The following GPC6 variants were observed in gnomAD, a reference collection of about 807,000 sequenced individuals.
The protein encoded by GPC6 is glypican 6, also known as glypican-6.
GPC6 carries 14 observed loss-of-function variants against 55.2 expected under a neutral mutation model. The ratio of observed to expected loss-of-function variants is 0.25; its 90% CI spans 0.17 to 0.40. GPC6 has a LOEUF of 0.40. GPC6 is among the 10% of genes least tolerant of loss of function. The probability of loss-of-function intolerance (pLI) is 1.00; values close to 1 mark genes in which losing one functional copy is unlikely to be tolerated. For synonymous variants in GPC6, 278 were observed against 259.6 expected (o/e 1.07, Z -0.68); for missense variants, 641 against 708.5 (o/e 0.90, Z 1.08).
intron 2 of GPC6, among the ~76,000 whole-genome samples, chr13:93,765,308 T>TTCCAGATAAGCTGTCTTGAAAGAC: frequency 6.7e-6 from 1 of 148,684 alleles, no homozygotes; most frequent in African/African-American, 2.5e-5. Context: ...AAAGACAACT[T>TTCCAGATAAGCTGTCTTGAAAGAC]ATTTGGTTTA....
intron 4 of GPC6, among the ~76,000 whole-genome samples, chr13:94,109,262 C>A (rs75266794): frequency 0.016 from 2,448 of 152,230 alleles, 63 homozygotes; most frequent in African/African-American, 0.055. Context: ...ACAAGGATGA[C>A]AGAATTCTTG....
At chr13:93,874,499 G>T (rs536022767) in intron 3 of GPC6, among the ~76,000 whole-genome samples, 3 of 151,142 alleles carry the variant, frequency 2.0e-5, no homozygotes, top group Admixed American at 6.6e-5. Flanking sequence ...GAATAGTGTA[G>T]CAGTCATGTT....
chr13:94,360,338 T>C (rs186026782), intron 6 of GPC6, among the ~76,000 whole-genome samples: 1 of 151,878 alleles, frequency 6.6e-6, no homozygotes, highest in African/African-American at 2.4e-5. Context: ...CGATGATAGA[T>C]GATTGATTGA....
chr13:94,267,095 T>G (rs1891842314), intron 4 of GPC6, among the ~76,000 whole-genome samples: 1 of 152,196 alleles, frequency 6.6e-6, no homozygotes, highest in Non-Finnish European at 1.5e-5. Context: ...AAGCCCCCGT[T>G]TTCTCACCAA....
At chr13:93,569,500 A>G (rs1204848573) in intron 2 of GPC6, among the ~76,000 whole-genome samples, 1 of 152,056 alleles carries the variant, frequency 6.6e-6, no homozygotes, top group African/African-American at 2.4e-5. Context: ...AAACATAGAA[A>G]TCCTCATTTT....
intron 3 of GPC6, among the ~76,000 whole-genome samples, chr13:94,013,414 G>A (rs929696383): frequency 2.0e-5 from 3 of 152,160 alleles, no homozygotes; most frequent in Middle Eastern, 3.4e-3. Context: ...GCTATGGCGC[G>A]ATCTCAGCTC....
intron 3 of GPC6, among the ~76,000 whole-genome samples, chr13:93,962,888 A>G (rs1879852244): frequency 6.6e-6 from 1 of 152,186 alleles, no homozygotes; most frequent in South Asian, 2.1e-4. Context: ...AGCAATGGCA[A>G]TAGGTACTTG....
chr13:93,867,785 T>C (rs1257730565), intron 3 of GPC6, among the ~76,000 whole-genome samples: 3 of 151,752 alleles, frequency 2.0e-5, no homozygotes, highest in African/African-American at 7.2e-5. Context: ...ACACTCACCA[T>C]CAGTGCAGGA....
At chr13:93,837,753 G>T (rs1887794548) in intron 3 of GPC6, among the ~76,000 whole-genome samples, 1 of 152,168 alleles carries the variant, frequency 6.6e-6, no homozygotes, top group Non-Finnish European at 1.5e-5. Context: ...GAGGCACCTA[G>T]CTTAATTTGG....
intron 2 of GPC6, among the ~76,000 whole-genome samples, chr13:93,587,188 T>A (rs1295030114): frequency 6.6e-6 from 1 of 151,942 alleles, no homozygotes; most frequent in Non-Finnish European, 1.5e-5. Flanking sequence ...AGGGATATAA[T>A]ATTACTTATT....
chr13:93,779,323 C>T (rs139364855), intron 2 of GPC6, among the ~76,000 whole-genome samples: 3 of 152,226 alleles, frequency 2.0e-5, no homozygotes, highest in Admixed American at 2.0e-4. Context: ...TAATTTACAT[C>T]CAAAATAGCC....
intron 4 of GPC6, among the ~76,000 whole-genome samples, chr13:94,120,693 A>G (rs1247347069): frequency 6.6e-6 from 1 of 152,148 alleles, no homozygotes; most frequent in Non-Finnish European, 1.5e-5. Context: ...AGGCTTTGGA[A>G]TATAAATATA....
chr13:94,047,510 G>GA (rs1025742220), intron 4 of GPC6, among the ~76,000 whole-genome samples: 12 of 150,380 alleles, frequency 8.0e-5, no homozygotes, highest in East Asian at 1.9e-4. Flanking sequence ...AAGTATGGAA[G>GA]AAAAAAAAAG....
At chr13:94,095,815 G>A (rs538773679) in intron 4 of GPC6, among the ~76,000 whole-genome samples, 8 of 152,224 alleles carry the variant, frequency 5.3e-5, no homozygotes, top group Admixed American at 5.2e-4. Flanking sequence ...TGAAAGAAAA[G>A]TCGACCTATT....
intron 1 of GPC6, among the ~76,000 whole-genome samples, chr13:93,505,780 A>T (rs757086799): frequency 5.9e-5 from 9 of 152,208 alleles, no homozygotes; most frequent in Non-Finnish European, 1.2e-4. Context: ...AGCTGGGAAC[A>T]TGTGTATCAG....
At chr13:93,813,487 T>A (rs1440244362) in intron 2 of GPC6, among the ~76,000 whole-genome samples, 1 of 152,142 alleles carries the variant, frequency 6.6e-6, no homozygotes, top group Non-Finnish European at 1.5e-5. Context: ...GCTGCGATAT[T>A]GAAATGAAAT....
intron 4 of GPC6, among the ~76,000 whole-genome samples, chr13:94,095,184 T>C (rs2138817322): frequency 6.6e-6 from 1 of 152,226 alleles, no homozygotes; most frequent in Non-Finnish European, 1.5e-5. Flanking sequence ...GAAATAAGTA[T>C]TTGGAAAGGA....
At position 93,395,334 on chromosome 13, in the gene GPC6, C is replaced by A; in HGVS notation, c.161-149929C>A. The A allele has an allele frequency of 4.2e-6, 2 of 470,824 alleles. 1 individual carries two copies. The highest frequency in any genetic ancestry group is 8.1e-6 in the Non-Finnish European group (2 of 247,306). 29.2% of individuals were successfully genotyped at this position (470,824 alleles called of 1,614,324 possible). On this transcript the variant is annotated intron_variant, in intron 1 of 8. Transcript: ENST00000377047. The stretch of plus-strand genomic sequence containing the variant: ...ATCTCTTGCTTTGACAGGGTTTTCC[C>A]AACTTCACAGTTGTGTCCATTCACA...
At chr13:93,436,353 A>G (rs1402868193) in intron 1 of GPC6, among the ~76,000 whole-genome samples, 3 of 152,196 alleles carry the variant, frequency 2.0e-5, no homozygotes, top group Admixed American at 6.5e-5. Context: ...TTCTTGTGCT[A>G]TGTAATGCTC....
Sources: allele counts gnomAD v4.1 joint callset (sites outside exome capture counted in the v4.1 genomes callset), GRCh38; gene constraint gnomAD v4.1.1; transcripts MANE v1.5; gene names NCBI Gene and HGNC (gene_info 2026-07-23, HGNC 2026-07-21).